The following PEAK1 variants were observed in gnomAD, a reference collection of about 807,000 sequenced individuals.
The protein encoded by PEAK1 is inactive tyrosine-protein kinase PEAK1.
In PEAK1, 54 loss-of-function variants were observed where a neutral mutation model predicts 124.7. That is an observed-to-expected ratio of 0.43 (90% CI 0.35 to 0.54). The LOEUF is 0.54. PEAK1 is among the 20% of genes least tolerant of loss of function. The pLI is 0.01. For synonymous variants in PEAK1, 719 were observed against 760.0 expected, an observed-to-expected ratio of 0.95 and a Z score of 0.89; for missense variants, 2,046 against 2,134.5, an observed-to-expected ratio of 0.96 and a Z score of 0.82.
At chr15:77,126,172 T>A (rs1414458794) in intron 9 of PEAK1, among the ~76,000 whole-genome samples, 1 of 152,350 alleles carries the variant, frequency 6.6e-6, no homozygotes, top group East Asian at 1.9e-4. Flanking sequence ...TACCATTTTG[T>A]AGGTCAATTT....
At chr15:77,346,578 C>A in intron 2 of PEAK1, 1 of 985,366 alleles carries the variant, frequency 1.0e-6, no homozygotes, top group Non-Finnish European at 1.2e-6. Flanking sequence ...AGTCACATCT[C>A]AAGAGGTTTT....
At chr15:77,307,424 A>T (rs1424934636) in intron 2 of PEAK1, among the ~76,000 whole-genome samples, 1 of 152,146 alleles carries the variant, frequency 6.6e-6, no homozygotes. Context: ...ACTGTCGTAG[A>T]TAACAAAGGA....
intron 6 of PEAK1, among the ~76,000 whole-genome samples, chr15:77,251,790 C>T (rs1025590040): frequency 6.6e-6 from 1 of 152,172 alleles, no homozygotes; most frequent in African/African-American, 2.4e-5. Context: ...GTTACCGCCT[C>T]TTTCCATGGT....
chr15:77,338,584 A>G (rs952293405), intron 2 of PEAK1, among the ~76,000 whole-genome samples: 3 of 151,538 alleles, frequency 2.0e-5, no homozygotes, highest in Non-Finnish European at 4.4e-5. Flanking sequence ...TAACAATCTA[A>G]TCTCAATTGT....
In PEAK1 at chr15:77,179,323, A is replaced by C. The variant is rs1190429405; in HGVS notation, c.2604T>G (p.Ala868=). 1 of 1,613,550 alleles carries C rather than the reference A, an allele frequency of 6.2e-7. No homozygotes were observed. Among genetic ancestry groups the C allele is most frequent in the South Asian group, 1.1e-5 (1 of 91,040 alleles). The change falls in exon 7 of 10, where the codon GCT becomes GCG. Residue 868 remains alanine, a synonymous_variant. Transcript: ENST00000682557. ...AAGTAGAGCGTGGCGGGGGAAAGGGAGCTGGTGGCTCACTTTGGGGGCTAG... is the reference window on the plus strand; with the variant it reads ...AAGTAGAGCGTGGCGGGGGAAAGGGCGCTGGTGGCTCACTTTGGGGGCTAG... ...LVTSPQSEPP[A]PFPPPRSTSS...
intron 6 of PEAK1, among the ~76,000 whole-genome samples, chr15:77,187,874 A>T (rs1425208044): frequency 1.3e-5 from 2 of 152,220 alleles, no homozygotes; most frequent in Non-Finnish European, 2.9e-5. Flanking sequence ...CTTTTGTTAA[A>T]GAACATGTGG....
intron 1 of PEAK1, among the ~76,000 whole-genome samples, chr15:77,380,562 T>A (rs767628072): frequency 6.6e-6 from 1 of 152,134 alleles, no homozygotes; most frequent in Non-Finnish European, 1.5e-5. Context: ...CACTGCAGCC[T>A]CGACCTCCCA....
chr15:77,305,885 T>C (rs570891065), intron 2 of PEAK1, among the ~76,000 whole-genome samples: 16 of 152,352 alleles, frequency 1.1e-4, no homozygotes, highest in Admixed American at 4.6e-4. Context: ...TTGCTATTTT[T>C]TATTTTCAAA....
chr15:77,224,999 TC>T (rs1407168956), intron 6 of PEAK1, among the ~76,000 whole-genome samples: 1 of 152,024 alleles, frequency 6.6e-6, no homozygotes, highest in African/African-American at 2.4e-5. Context: ...AATACAATGT[TC>T]CTCAATTAAT....
At position 77,179,969 on chromosome 15, in the gene PEAK1, A is replaced by G. The variant is rs1467594119; in HGVS notation, c.1958T>C (p.Val653Ala). Residue 653 changes from valine (V) to alanine (A), a missense_variant, in exon 7 of 10, where the codon GTG (valine) becomes GCG (alanine). Physicochemically the swap from Val to Ala is moderately conservative, Grantham distance 64. Transcript: ENST00000682557. ...TATTACACTTGTGGTTTTTTCCTTC[A>G]CTGAGAGTTCTCCACTTGTTCCCAG... ...SFLGTSGELS[V>A]KEKTTSVISH... 3.7e-6 allele frequency: 6 copies of G among 1,613,792 alleles called. No homozygotes were observed. The Admixed American group carries it at 8.3e-5, about 22-fold the overall frequency.
At chr15:77,265,107 A>T (rs1596998387) in intron 5 of PEAK1, among the ~76,000 whole-genome samples, 1 of 152,328 alleles carries the variant, frequency 6.6e-6, no homozygotes, top group Non-Finnish European at 1.5e-5. Flanking sequence ...AATCAATTCA[A>T]GATGGATTAA....
chr15:77,258,807 T>C (rs1446177971), intron 5 of PEAK1, among the ~76,000 whole-genome samples: 1 of 152,340 alleles, frequency 6.6e-6, no homozygotes, highest in East Asian at 1.9e-4. Context: ...TTGTGCCAGT[T>C]TTCAAAGGGA....
chr15:77,402,690 T>C (rs1038362574), intron 1 of PEAK1: 2 of 985,392 alleles, frequency 2.0e-6, no homozygotes, highest in South Asian at 9.4e-5. Flanking sequence ...TGGTTCCTAG[T>C]ACACTGATAA....
chr15:77,372,913 T>C (rs2068746844), intron 1 of PEAK1, among the ~76,000 whole-genome samples: 1 of 152,184 alleles, frequency 6.6e-6, no homozygotes, highest in Admixed American at 6.5e-5. Flanking sequence ...CCTTCCGCCA[T>C]GATTATAAGT....
At chr15:77,336,691 T>C in intron 2 of PEAK1, 1 of 342,650 alleles carries the variant, frequency 2.9e-6, no homozygotes, top group South Asian at 1.2e-4. Flanking sequence ...TAAAATAAAA[T>C]GAAGATTATC....
At position 77,409,421 on chromosome 15, in the gene PEAK1, T is replaced by C. The variant is rs78111480; in HGVS notation, c.-666+10585A>G. 7.3e-3 allele frequency among the ~76,000 whole-genome samples: 1,113 copies of C among 152,274 alleles called. 15 individuals are homozygous for C. Among genetic ancestry groups the C allele is most frequent in the African/African-American group, 0.025 (1,057 of 41,546 alleles). On this transcript the variant is annotated intron_variant, in intron 1 of 9. Transcript: ENST00000682557. ...CTAAGGCACCAGGAAAGAAAGTGAT[T>C]TTCCCAAGTGGTAAAGATGAGATTC... is the stretch of plus-strand genomic sequence containing the variant.
chr15:77,154,552 C>G (rs2054950495), intron 8 of PEAK1, among the ~76,000 whole-genome samples: 2 of 152,104 alleles, frequency 1.3e-5, no homozygotes, highest in South Asian at 4.1e-4. Flanking sequence ...TTATTTTGCT[C>G]GTTAGTTGAT....
chr15:77,293,053 C>T (rs1056941551), intron 2 of PEAK1, among the ~76,000 whole-genome samples: 12 of 152,190 alleles, frequency 7.9e-5, no homozygotes, highest in Admixed American at 5.2e-4. Context: ...ATCATCACAT[C>T]TATTCAAGTC....
rs143426895 is a variant in PEAK1 at position 77,246,926 on chromosome 15, G to A, written c.-115+5441C>T. Among the ~76,000 whole-genome samples, 410 of 152,204 alleles carry A rather than the reference G, an allele frequency of 2.7e-3. 8 individuals carry two copies. In the East Asian group the frequency reaches 0.035, roughly 13 times the overall value. On this transcript the variant is annotated intron_variant, in intron 6 of 9. Transcript: ENST00000682557. ...CTAGCTACTCAAGAGGCTGAGGTTC[G>A]AGAATCGTTTGAACTTGGGAGGCAG... is the stretch of plus-strand genomic sequence containing the variant.
Sources: allele counts gnomAD v4.1 joint callset (sites outside exome capture counted in the v4.1 genomes callset), GRCh38; gene constraint gnomAD v4.1.1; transcripts MANE v1.5; gene names NCBI Gene and HGNC (gene_info 2026-07-23, HGNC 2026-07-21).